Variants in LUZP2 observed in about 807,000 individuals in gnomAD.
The protein encoded by LUZP2 is leucine zipper protein 2.
A neutral mutation model predicts 51.6 loss-of-function variants in LUZP2; 52 were observed. The ratio of observed to expected loss-of-function variants is 1.01; its 90% confidence interval spans 0.81 to 1.27. The LOEUF (loss-of-function observed/expected upper bound fraction) is 1.27. Ranked by LOEUF, LUZP2 falls within the 50% of genes most tolerant of loss-of-function variation. The probability of loss-of-function intolerance (pLI) is 0.00; values close to 1 mark genes in which losing one functional copy is unlikely to be tolerated. For synonymous variants in LUZP2, 154 were observed against 137.3 expected, an observed-to-expected ratio of 1.12 and a Z score of -0.85; for missense variants, 436 against 395.4, an observed-to-expected ratio of 1.10 and a Z score of -0.87.
chr11:24,673,317 G>T (rs1856455666), intron 1 of LUZP2, among the ~76,000 whole-genome samples: 1 of 152,088 alleles, frequency 6.6e-6, no homozygotes, highest in Non-Finnish European at 1.5e-5. Flanking sequence ...ATGTCATGTG[G>T]TACACGACTA....
intron 7 of LUZP2, among the ~76,000 whole-genome samples, chr11:24,924,700 G>A (rs1854174366): frequency 6.6e-6 from 1 of 152,126 alleles, no homozygotes; most frequent in African/African-American, 2.4e-5. Context: ...ATACATTTTA[G>A]GGAGATATAA....
intron 5 of LUZP2, among the ~76,000 whole-genome samples, chr11:24,863,468 T>G (rs938979612): frequency 1.3e-5 from 2 of 152,128 alleles, no homozygotes; most frequent in African/African-American, 4.8e-5. Context: ...TATTTTTCAT[T>G]ACTCCATTCA....
At chr11:24,527,861 C>G (rs962801331) in intron 1 of LUZP2, among the ~76,000 whole-genome samples, 1 of 151,182 alleles carries the variant, frequency 6.6e-6, no homozygotes, top group Non-Finnish European at 1.5e-5. Flanking sequence ...TCTTTCAGAC[C>G]CAAAGCTCAG....
intron 5 of LUZP2, among the ~76,000 whole-genome samples, chr11:24,770,511 G>A (rs12164818): frequency 0.08 from 12,212 of 151,850 alleles, 1,064 homozygotes; most frequent in African/African-American, 0.22. Context: ...CTACAATTCT[G>A]GCTTATTAAT....
At chr11:24,992,129 C>T (rs949242808) in intron 9 of LUZP2, among the ~76,000 whole-genome samples, 1 of 151,928 alleles carries the variant, frequency 6.6e-6, no homozygotes, top group Non-Finnish European at 1.5e-5. Context: ...AACCTTGAGA[C>T]TCTGCCCTAA....
intron 5 of LUZP2, among the ~76,000 whole-genome samples, chr11:24,879,257 T>A (rs1175142629): frequency 6.6e-6 from 1 of 152,166 alleles, no homozygotes; most frequent in African/African-American, 2.4e-5. Context: ...CTCATTTATT[T>A]TTATTGCTGT....
At chr11:24,589,584 C>G (rs12361953) in intron 1 of LUZP2, among the ~76,000 whole-genome samples, 24,437 of 152,094 alleles carry the variant, frequency 0.16, 2,157 homozygotes, top group African/African-American at 0.21. Flanking sequence ...AGAATACACT[C>G]GAAGGAATTG....
At chr11:24,739,547 A>C (rs1859060106) in intron 4 of LUZP2, among the ~76,000 whole-genome samples, 1 of 152,100 alleles carries the variant, frequency 6.6e-6, no homozygotes, top group African/African-American at 2.4e-5. Context: ...CAGCACATCC[A>C]TGAAGAACAA....
intron 1 of LUZP2, among the ~76,000 whole-genome samples, chr11:24,600,540 T>C (rs1853594709): frequency 6.6e-6 from 1 of 152,192 alleles, no homozygotes; most frequent in Non-Finnish European, 1.5e-5. Context: ...AGAGGAAAGC[T>C]TGTAACTCAG....
chr11:24,773,140 T>C (rs1157161898), intron 5 of LUZP2, among the ~76,000 whole-genome samples: 1 of 151,622 alleles, frequency 6.6e-6, no homozygotes, highest in Non-Finnish European at 1.5e-5. Flanking sequence ...AATCTATCAA[T>C]GGAAGTATCC....
At chr11:24,549,771 G>A (rs1257641118) in intron 1 of LUZP2, among the ~76,000 whole-genome samples, 6 of 151,990 alleles carry the variant, frequency 3.9e-5, no homozygotes, top group Admixed American at 6.6e-5. Context: ...AATGACTATA[G>A]ATAATTTGAA....
intron 4 of LUZP2, among the ~76,000 whole-genome samples, chr11:24,738,950 C>G (rs534570943): frequency 6.6e-6 from 1 of 152,136 alleles, no homozygotes; most frequent in South Asian, 2.1e-4. Flanking sequence ...CCTTACGCAC[C>G]ATGTATAGGG....
chr11:24,596,749 T>C (rs16912906), intron 1 of LUZP2, among the ~76,000 whole-genome samples: 32,789 of 152,088 alleles, frequency 0.22, 3,738 homozygotes, highest in Middle Eastern at 0.23. Context: ...ACTACAGTTC[T>C]TGGCTGAGGA....
chr11:24,532,864 TATA>T (rs1265609336), intron 1 of LUZP2, among the ~76,000 whole-genome samples: 1 of 151,138 alleles, frequency 6.6e-6, no homozygotes, highest in African/African-American at 2.4e-5. Flanking sequence ...AGGTAAATTG[TATA>T]ATAAAACCTT....
intron 9 of LUZP2, among the ~76,000 whole-genome samples, chr11:25,001,844 C>CCT (rs375653630): frequency 1.3e-5 from 2 of 151,374 alleles, no homozygotes; most frequent in Non-Finnish European, 3.0e-5. Context: ...TCTGTTTCTT[C>CCT]CTCTCTCTCT....
intron 1 of LUZP2, among the ~76,000 whole-genome samples, chr11:24,596,432 A>G (rs1185284283): frequency 1.3e-5 from 2 of 152,162 alleles, no homozygotes; most frequent in Non-Finnish European, 2.9e-5. Flanking sequence ...TAGGACTTTT[A>G]TGCAATAATA....
chr11:24,676,709 G>T (rs1856564671), intron 1 of LUZP2, among the ~76,000 whole-genome samples: 1 of 151,886 alleles, frequency 6.6e-6, no homozygotes, highest in African/African-American at 2.4e-5. Context: ...TGTCACCCAG[G>T]CTGGAGTGCA....
intron 5 of LUZP2, among the ~76,000 whole-genome samples, chr11:24,851,499 G>T (rs923232305): frequency 2.6e-5 from 4 of 152,110 alleles, no homozygotes; most frequent in African/African-American, 9.7e-5. Context: ...ACTGGATTCA[G>T]TTTGCCAGTA....
intron 1 of LUZP2, among the ~76,000 whole-genome samples, chr11:24,546,941 T>TTTG (rs1033212527): frequency 6.7e-6 from 1 of 149,810 alleles, no homozygotes; most frequent in African/African-American, 2.5e-5. Context: ...TGTGTGTGTT[T>TTTG]TTGTTGTTGT....
Sources: allele counts gnomAD v4.1 joint callset (sites outside exome capture counted in the v4.1 genomes callset), GRCh38; gene constraint gnomAD v4.1.1; transcripts MANE v1.5; gene names NCBI Gene and HGNC (gene_info 2026-07-23, HGNC 2026-07-21).